Variants in SIPA1L1 observed in about 807,000 individuals in gnomAD.
The protein encoded by SIPA1L1 is signal-induced proliferation-associated 1-like protein 1.
SIPA1L1 carries 26 observed loss-of-function variants against 162.7 expected under a neutral mutation model. The ratio of observed to expected loss-of-function variants is 0.16; its 90% CI spans 0.12 to 0.22. The LOEUF (loss-of-function observed/expected upper bound fraction) is 0.22. Among genes scored for constraint, SIPA1L1 ranks in the 10% least tolerant of loss-of-function variants. The pLI, the probability that SIPA1L1 is intolerant of heterozygous loss-of-function variation, is 1.00. For synonymous variants in SIPA1L1, 829 were observed against 837.4 expected, an observed-to-expected ratio of 0.99 and a Z score of 0.17; for missense variants, 1,874 against 2,241.0, an observed-to-expected ratio of 0.84 and a Z score of 3.31.
At chr14:71,459,847 A>G (rs1595572214) in intron 2 of SIPA1L1, among the ~76,000 whole-genome samples, 1 of 152,200 alleles carries the variant, frequency 6.6e-6, no homozygotes, top group African/African-American at 2.4e-5. Flanking sequence ...GACCCTTAGT[A>G]TTAACCATTA....
In SIPA1L1 at chr14:71,588,598, G is replaced by A. The variant is rs372866055; in HGVS notation, c.726G>A (p.Lys242=). 9.9e-5 allele frequency: 159 copies of A among 1,613,950 alleles called. No homozygotes were observed. Among genetic ancestry groups the A allele is most frequent in the Non-Finnish European group, 1.2e-4 (145 of 1,179,990 alleles). Residue 242 remains lysine, a synonymous_variant, in exon 5 of 24, where the codon AAG becomes AAA. Transcript: ENST00000381232. This position sits in a 1 kb window ranked among gnomAD's most constrained non-coding sequence, Gnocchi z 4.3. ...DKSDRGPTPT[K]LSDFLITGGG... ...CTGATCGAGGTCCAACTCCAACCAA[G>A]CTCAGTGACTTTCTCATTACTGGTG...
Position 71,589,047 on chromosome 14 carries a change from T to G in SIPA1L1, c.1175T>G (p.Leu392Arg). The G allele has an allele frequency of 1.5e-5, 25 of 1,614,096 alleles. No individual in the cohort carries two copies. The highest frequency in any genetic ancestry group is 2.1e-5 in the Non-Finnish European group (25 of 1,179,990). ...FSSPMGSTED[L>R]NSKGSLSMDQ... Reference sequence around the variant, plus strand: ...TCCCCAATGGGCAGCACAGAGGACCTGAATTCCAAAGGAAGCCTCAGCATG... The same window carrying G: ...TCCCCAATGGGCAGCACAGAGGACCGGAATTCCAAAGGAAGCCTCAGCATG... Residue 392 changes from leucine to arginine, a missense_variant, in exon 5 of 24, where the codon CTG becomes CGG. By Grantham distance (102) the Leu-to-Arg change is moderately radical (BLOSUM62 -2). Coordinates refer to ENST00000381232, the MANE Select transcript of SIPA1L1 (RefSeq NM_001386936.1).
At chr14:71,608,643 TCCCAG>T (rs2037814545) in intron 5 of SIPA1L1, among the ~76,000 whole-genome samples, 1 of 152,300 alleles carries the variant, frequency 6.6e-6, no homozygotes, top group Admixed American at 6.5e-5. Flanking sequence ...ATGTCTGTAG[TCCCAG>T]CACTTTGGGA....
intron 13 of SIPA1L1, among the ~76,000 whole-genome samples, chr14:71,692,710 A>G (rs2081334968): frequency 6.6e-6 from 1 of 152,212 alleles, no homozygotes; most frequent in Admixed American, 6.5e-5. Flanking sequence ...AGAATGCTCC[A>G]GTACTGTGTC....
chr14:71,328,440 G>A (rs2034087666), intron 2 of SIPA1L1, among the ~76,000 whole-genome samples: 1 of 152,212 alleles, frequency 6.6e-6, no homozygotes, highest in South Asian at 2.1e-4. Flanking sequence ...GTGATTTGAA[G>A]AAGCTCAGTA....
At chr14:71,327,886 A>G (rs1055553557) in intron 2 of SIPA1L1, among the ~76,000 whole-genome samples, 15 of 152,048 alleles carry the variant, frequency 9.9e-5, no homozygotes, top group Middle Eastern at 6.3e-3. Context: ...CTGTGTGCAT[A>G]TGTGTGCATG....
At chr14:71,710,419 T>C (rs1249615111) in intron 17 of SIPA1L1, among the ~76,000 whole-genome samples, 1 of 152,218 alleles carries the variant, frequency 6.6e-6, no homozygotes, top group Non-Finnish European at 1.5e-5. Context: ...CTGTGTGGTT[T>C]CTCCTTTTAT....
At chr14:71,382,781 T>A (rs1211572042) in intron 2 of SIPA1L1, among the ~76,000 whole-genome samples, 3 of 152,198 alleles carry the variant, frequency 2.0e-5, no homozygotes, top group African/African-American at 4.8e-5. Context: ...AGTGCCCATA[T>A]GTGAAAGATC....
At chr14:71,356,565 T>TAAAAAAAAAAAAAAAAAA (rs1394904078) in intron 2 of SIPA1L1, among the ~76,000 whole-genome samples, 1 of 2,918 alleles carries the variant, frequency 3.4e-4, no homozygotes, top group Non-Finnish European at 8.0e-4. Context: ...ACCTTGTCTC[T>TAAAAAAAAAAAAAAAAAA]ACAAAAAAAA....
At chr14:71,547,360 C>T (rs1754759624) in intron 4 of SIPA1L1, among the ~76,000 whole-genome samples, 1 of 125,114 alleles carries the variant, frequency 8.0e-6, no homozygotes, top group African/African-American at 3.1e-5. Flanking sequence ...GTGGCATGAT[C>T]TCGGCTTACT....
chr14:71,658,192 A>C, intron 8 of SIPA1L1, 141 bp from the exon 9 acceptor site: 1 of 582,874 alleles, frequency 1.7e-6, no homozygotes, highest in East Asian at 2.9e-5. Context: ...AAAAAAAAAA[A>C]GGAAGAACAC....
intron 2 of SIPA1L1, among the ~76,000 whole-genome samples, chr14:71,447,372 A>G (rs920913625): frequency 2.0e-5 from 3 of 152,124 alleles, no homozygotes; most frequent in East Asian, 1.9e-4. Context: ...TAACAAGCCT[A>G]TGGTGCTATG....
chr14:71,703,626 A>G (rs2082243407), intron 15 of SIPA1L1, among the ~76,000 whole-genome samples: 1 of 152,252 alleles, frequency 6.6e-6, no homozygotes, highest in Admixed American at 6.5e-5. Flanking sequence ...AGAATGTTTT[A>G]AATCCCATAT....
At chr14:71,674,910 C>A (rs189900163) in intron 12 of SIPA1L1, among the ~76,000 whole-genome samples, 1 of 152,270 alleles carries the variant, frequency 6.6e-6, no homozygotes, top group Admixed American at 6.5e-5. Flanking sequence ...TAGTAACTTG[C>A]TAAGCTCATC....
At chr14:71,649,096 A>G (rs896688557) in intron 7 of SIPA1L1, among the ~76,000 whole-genome samples, 1 of 152,242 alleles carries the variant, frequency 6.6e-6, no homozygotes, top group Non-Finnish European at 1.5e-5. Flanking sequence ...TTTATTAGAT[A>G]AAACCTTACT....
chr14:71,411,732 G>A (rs372951915), intron 2 of SIPA1L1, among the ~76,000 whole-genome samples: 11 of 152,304 alleles, frequency 7.2e-5, no homozygotes, highest in Non-Finnish European at 1.0e-4. Flanking sequence ...TACGAGCACC[G>A]GTCTTTGCCC....
chr14:71,573,582 A>G (rs1381777656), intron 4 of SIPA1L1: 6 of 456,654 alleles, frequency 1.3e-5, no homozygotes. Context: ...GACCTGCTGA[A>G]GGAGGAAAGA....
At chr14:71,413,310 T>A (rs1355699173) in intron 2 of SIPA1L1, among the ~76,000 whole-genome samples, 1 of 152,248 alleles carries the variant, frequency 6.6e-6, no homozygotes, top group Non-Finnish European at 1.5e-5. Flanking sequence ...TTGTTGTTGT[T>A]GTTTTTTCTT....
At chr14:71,632,235 T>G (rs1397413826) in intron 7 of SIPA1L1, among the ~76,000 whole-genome samples, 1 of 152,090 alleles carries the variant, frequency 6.6e-6, no homozygotes, top group Non-Finnish European at 1.5e-5. Flanking sequence ...GACCTTGAGA[T>G]CTCTGGAATG....
Sources: gnomAD v4.1 joint callset for allele counts (sites outside exome capture counted in the v4.1 genomes callset) on GRCh38, gnomAD v4.1.1 for gene constraint, Gnocchi (gnomAD v3.1) non-coding constraint, MANE v1.5 for transcripts, NCBI Gene and HGNC (gene_info 2026-07-23, HGNC 2026-07-21) for gene names.